The following KCNQ3 variants were observed in gnomAD, a reference collection of about 807,000 sequenced individuals.
The protein encoded by KCNQ3 is potassium voltage-gated channel subfamily KQT member 3.
Under a neutral mutation model 92.5 loss-of-function variants are expected in KCNQ3, and 30 were observed. That is an observed-to-expected ratio of 0.32 (90% CI 0.24 to 0.44). KCNQ3 has a LOEUF of 0.44. Among genes scored for constraint, KCNQ3 ranks in the 20% least tolerant of loss-of-function variants. The probability of loss-of-function intolerance (pLI) is 1.00; values close to 1 mark genes in which losing one functional copy is unlikely to be tolerated. For synonymous variants in KCNQ3, 450 were observed against 468.8 expected, an observed-to-expected ratio of 0.96 and a Z score of 0.52; for missense variants, 913 against 1,140.3, an observed-to-expected ratio of 0.80 and a Z score of 2.87.
At chr8:132,443,855 ACCC>A (rs1354621573) in intron 1 of KCNQ3, among the ~76,000 whole-genome samples, 1 of 151,116 alleles carries the variant, frequency 6.6e-6, no homozygotes, top group Non-Finnish European at 1.5e-5. Flanking sequence ...GACACTCTTT[ACCC>A]CCCCATTTGT....
At chr8:132,334,638 G>A (rs959503472) in intron 1 of KCNQ3, among the ~76,000 whole-genome samples, 3 of 152,124 alleles carry the variant, frequency 2.0e-5, no homozygotes, top group African/African-American at 7.2e-5. Flanking sequence ...TCCCCATCTG[G>A]GGGCCATGTC....
intron 1 of KCNQ3, among the ~76,000 whole-genome samples, chr8:132,227,133 G>A (rs1814455427): frequency 6.6e-6 from 1 of 150,608 alleles, no homozygotes; most frequent in Admixed American, 6.6e-5. Context: ...CGATCTCGGG[G>A]CTCACTGCAA....
chr8:132,298,573 T>C (rs543814202), intron 1 of KCNQ3, among the ~76,000 whole-genome samples: 1 of 152,276 alleles, frequency 6.6e-6, no homozygotes, highest in African/African-American at 2.4e-5. Context: ...GGAGCCTTAA[T>C]ATACCGATTT....
At chr8:132,350,789 C>A (rs570560412) in intron 1 of KCNQ3, among the ~76,000 whole-genome samples, 1 of 152,336 alleles carries the variant, frequency 6.6e-6, no homozygotes, top group African/African-American at 2.4e-5. Flanking sequence ...TGTTACCAAA[C>A]CCTCACCCCA....
chr8:132,290,412 G>A (rs1400178200), intron 1 of KCNQ3, among the ~76,000 whole-genome samples: 1 of 152,170 alleles, frequency 6.6e-6, no homozygotes, highest in Non-Finnish European at 1.5e-5. Flanking sequence ...CTGAACGTTG[G>A]TTTGGAGAGA....
chr8:132,336,418 C>T (rs534636500), intron 1 of KCNQ3, among the ~76,000 whole-genome samples: 27 of 152,334 alleles, frequency 1.8e-4, no homozygotes, highest in South Asian at 8.3e-4. Flanking sequence ...AGGGTTTCTG[C>T]GTCCTCTTCT....
intron 1 of KCNQ3, among the ~76,000 whole-genome samples, chr8:132,226,091 G>A (rs775884591): frequency 2.6e-5 from 4 of 152,046 alleles, no homozygotes; most frequent in South Asian, 2.1e-4. Flanking sequence ...CTAACGTGGC[G>A]AAACCCCGTC....
At chr8:132,254,854 G>A (rs1246847719) in intron 1 of KCNQ3, among the ~76,000 whole-genome samples, 1 of 152,144 alleles carries the variant, frequency 6.6e-6, no homozygotes, top group Non-Finnish European at 1.5e-5. Flanking sequence ...ACTCCAGCCT[G>A]GGTGACAATG....
At chr8:132,405,164 G>A (rs1309977858) in intron 1 of KCNQ3, among the ~76,000 whole-genome samples, 8 of 152,286 alleles carry the variant, frequency 5.3e-5, no homozygotes, top group African/African-American at 1.2e-4. Context: ...AGCTGCCACT[G>A]GGCAAGATTT....
intron 1 of KCNQ3, among the ~76,000 whole-genome samples, chr8:132,198,388 T>C (rs775006793): frequency 6.6e-6 from 1 of 152,246 alleles, no homozygotes; most frequent in Non-Finnish European, 1.5e-5. Flanking sequence ...CTAAGTTTTG[T>C]GGCAGTTTGT....
At chr8:132,206,004 T>C (rs1451439952) in intron 1 of KCNQ3, among the ~76,000 whole-genome samples, 1 of 152,118 alleles carries the variant, frequency 6.6e-6, no homozygotes, top group Non-Finnish European at 1.5e-5. Flanking sequence ...GTATGAGGAA[T>C]GGAGAACAGG....
intron 1 of KCNQ3, among the ~76,000 whole-genome samples, chr8:132,276,041 G>C (rs1489133475): frequency 6.6e-6 from 1 of 152,124 alleles, no homozygotes; most frequent in Non-Finnish European, 1.5e-5. Flanking sequence ...CAGGACCTTG[G>C]GTCTTTGCAC....
In KCNQ3 at chr8:132,285,072, T is replaced by C. The variant is rs146883855; in HGVS notation, c.387-98891A>G. On this transcript the variant is annotated intron_variant, in intron 1 of 14. Transcript: ENST00000388996. ...AATTATTCAGTCATAGGTATTTTTT[T>C]GGTAGCAACATAAAATGTACTGAGG... 4.0e-3 allele frequency among the ~76,000 whole-genome samples: 605 copies of C among 152,322 alleles called. 5 individuals carry two copies. The highest frequency in any genetic ancestry group is 0.014 in the African/African-American group (562 of 41,580).
chr8:132,311,983 A>T (rs1287022529), intron 1 of KCNQ3, among the ~76,000 whole-genome samples: 2 of 43,362 alleles, frequency 4.6e-5, no homozygotes, highest in African/African-American at 1.2e-4. Flanking sequence ...GGAGACACAG[A>T]AACTCAGAAG....
chr8:132,207,206 T>A (rs1382459440), intron 1 of KCNQ3, among the ~76,000 whole-genome samples: 2 of 152,188 alleles, frequency 1.3e-5, no homozygotes, highest in Non-Finnish European at 2.9e-5. Flanking sequence ...CTGTATGGAT[T>A]TTTGCTCCAT....
chr8:132,364,655 G>A (rs942656055), intron 1 of KCNQ3, among the ~76,000 whole-genome samples: 1 of 151,560 alleles, frequency 6.6e-6, no homozygotes, highest in East Asian at 1.9e-4. Flanking sequence ...TTAACAAATG[G>A]GTTTAGTAAA....
chr8:132,134,067 G>A (rs546990813), intron 13 of KCNQ3, among the ~76,000 whole-genome samples: 1 of 152,320 alleles, frequency 6.6e-6, no homozygotes, highest in South Asian at 2.1e-4. Flanking sequence ...AAAAGTTACA[G>A]GAAGAAATGT....
rs1209241037 is a variant in KCNQ3, at chr8:132,455,770, C to A, written c.386+24377G>T. Among the ~76,000 whole-genome samples the A allele has an allele frequency of 2.0e-5, 3 of 152,158 alleles. No individual in the cohort carries two copies. In the East Asian group the frequency reaches 5.8e-4, roughly 29 times the overall value. On this transcript the variant is annotated intron_variant, in intron 1 of 14. Transcript: ENST00000388996. Reference sequence around the variant, plus strand: ...TTTGTTTGTTTGTTTGAGACAGAGTCTCGCTCTGTCGCCCAGGCTGGAGTA... The same window carrying A: ...TTTGTTTGTTTGTTTGAGACAGAGTATCGCTCTGTCGCCCAGGCTGGAGTA...
At chr8:132,246,040 A>T (rs1815163632) in intron 1 of KCNQ3, among the ~76,000 whole-genome samples, 1 of 152,156 alleles carries the variant, frequency 6.6e-6, no homozygotes, top group Non-Finnish European at 1.5e-5. Flanking sequence ...CAGAAACGAG[A>T]AGGCTTTCCT....
Sources: gnomAD v4.1 joint callset for allele counts (sites outside exome capture counted in the v4.1 genomes callset) on GRCh38, gnomAD v4.1.1 for gene constraint, MANE v1.5 for transcripts, NCBI Gene and HGNC (gene_info 2026-07-23, HGNC 2026-07-21) for gene names.